Variants in LRIG1 observed in about 807,000 individuals in gnomAD.
LRIG1 encodes leucine rich repeats and immunoglobulin like domains 1, also known as leucine-rich repeats and immunoglobulin-like domains protein 1.
Under a neutral mutation model 99.2 loss-of-function variants are expected in LRIG1, and 48 were observed. The ratio of observed to expected loss-of-function variants is 0.48; its 90% CI spans 0.38 to 0.62. LRIG1 has a LOEUF of 0.62. LRIG1 is among the 20% of genes least tolerant of loss of function. The pLI is 0.00. For missense variants in LRIG1, 1,646 were observed against 1,434.4 expected (o/e 1.15, Z -2.38); for synonymous variants, 772 against 596.1 (o/e 1.29, Z -4.30).
intron 3 of LRIG1, among the ~76,000 whole-genome samples, chr3:66,435,325 G>A (rs560594129): frequency 9.2e-5 from 14 of 152,278 alleles, no homozygotes; most frequent in African/African-American, 3.4e-4. Flanking sequence ...TTGGGAGGCC[G>A]AGGCAGGCAG....
chr3:66,413,563 A>AC (rs1054180230), intron 5 of LRIG1, among the ~76,000 whole-genome samples: 9 of 152,144 alleles, frequency 5.9e-5, no homozygotes, highest in African/African-American at 1.9e-4. Context: ...GGGTAGAGAC[A>AC]CCCCACAAGT....
At chr3:66,485,482 C>T (rs1259993387) in intron 1 of LRIG1, among the ~76,000 whole-genome samples, 2 of 152,178 alleles carry the variant, frequency 1.3e-5, no homozygotes, top group East Asian at 3.9e-4. Flanking sequence ...AAGGCTGGAC[C>T]ATGACTCGCC....
chr3:66,402,509 C>T (rs537982443), intron 9 of LRIG1, among the ~76,000 whole-genome samples: 1 of 152,204 alleles, frequency 6.6e-6, no homozygotes, highest in Non-Finnish European at 1.5e-5. Flanking sequence ...CTACTCACAT[C>T]TCCCTTTCTT....
At chr3:66,391,822 C>A (rs1451540994) in intron 12 of LRIG1, among the ~76,000 whole-genome samples, 2 of 152,160 alleles carry the variant, frequency 1.3e-5, no homozygotes, top group Non-Finnish European at 2.9e-5. Context: ...ATCTACACTA[C>A]AACTCACTCA....
chr3:66,407,010 C>T (rs1702291581), intron 8 of LRIG1, among the ~76,000 whole-genome samples: 1 of 152,188 alleles, frequency 6.6e-6, no homozygotes, highest in African/African-American at 2.4e-5. Context: ...GAACTGGAGG[C>T]TGCACCAGGC....
At chr3:66,415,979 T>C (rs559005964) in intron 4 of LRIG1, among the ~76,000 whole-genome samples, 139 of 152,298 alleles carry the variant, frequency 9.1e-4, no homozygotes, top group African/African-American at 3.2e-3. Flanking sequence ...CTCCAGCAGA[T>C]AGTGGCCTAG....
intron 6 of LRIG1, among the ~76,000 whole-genome samples, chr3:66,410,574 G>C (rs1702433240): frequency 6.6e-6 from 1 of 152,218 alleles, no homozygotes; most frequent in Admixed American, 6.5e-5. Context: ...GGGTGTGGCG[G>C]CTTATGCCCA....
At chr3:66,394,799 C>A (rs1464128781) in intron 11 of LRIG1, among the ~76,000 whole-genome samples, 4 of 152,216 alleles carry the variant, frequency 2.6e-5, no homozygotes, top group Admixed American at 2.6e-4. Flanking sequence ...TAATAAGCCC[C>A]GTCACTGTGC....
At position 66,493,873 on chromosome 3, in the gene LRIG1, CGAAGGGAG is replaced by C. The variant is rs1279633269; in HGVS notation, c.218+6309_218+6316del. Among the ~76,000 whole-genome samples, 124 of 104,876 alleles carry C rather than the reference CGAAGGGAG, an allele frequency of 1.2e-3. 1 individual carries two copies. The highest frequency in any genetic ancestry group is 4.1e-3 in the African/African-American group (111 of 27,064). 68.8% of individuals were successfully genotyped at this position (104,876 alleles called of 152,430 possible). On this transcript the variant is annotated intron_variant, in intron 1 of 18. Coordinates refer to ENST00000273261, the MANE Select transcript of LRIG1 (RefSeq NM_015541.3). ...AGAAAGAGAAAGAAAGGAAGAAAGA[CGAAGGGAG>C]GGAGGGAGGGAAAGAAGGAAAAAAA...
chr3:66,435,773 C>T, intron 3 of LRIG1, among the ~76,000 whole-genome samples: 1 of 98,534 alleles, frequency 1.0e-5, no homozygotes, highest in East Asian at 4.0e-4. Flanking sequence ...AGGGATCTCC[C>T]CATATTACTT....
rs62243246 is a variant in LRIG1 at position 66,396,875 on chromosome 3, A to T, written c.1304+1237T>A. ...GTTTCATTCCACTTGCTTTACTGCG[A>T]GTCCACCTCTGAGTCCAGCCTTCCC... On this transcript the variant is annotated intron_variant, in intron 11 of 18. Transcript: ENST00000273261. Among the ~76,000 whole-genome samples, 1,269 of 152,346 alleles carry T rather than the reference A, an allele frequency of 8.3e-3. 29 individuals carry two copies. The highest frequency in any genetic ancestry group is 0.071 in the South Asian group (340 of 4,820).
intron 1 of LRIG1, among the ~76,000 whole-genome samples, chr3:66,498,720 A>T (rs527644920): frequency 1.7e-4 from 26 of 152,314 alleles, no homozygotes; most frequent in African/African-American, 6.3e-4. Context: ...TAACTCAGTA[A>T]ATTCCACAGA....
At chr3:66,498,840 C>T (rs1434554543) in intron 1 of LRIG1, among the ~76,000 whole-genome samples, 1 of 152,158 alleles carries the variant, frequency 6.6e-6, no homozygotes, top group Non-Finnish European at 1.5e-5. Context: ...AAGATTCGTG[C>T]CCCATTTTGA....
intron 3 of LRIG1, among the ~76,000 whole-genome samples, chr3:66,420,852 T>C (rs751740323): frequency 4.6e-5 from 7 of 152,172 alleles, no homozygotes; most frequent in Non-Finnish European, 7.3e-5. Flanking sequence ...GATAAAGACA[T>C]ACCTGAGACT....
At chr3:66,419,494 GGAGCAAGGGAGT>G (rs1702734664) in intron 3 of LRIG1, among the ~76,000 whole-genome samples, 1 of 152,326 alleles carries the variant, frequency 6.6e-6, no homozygotes, top group South Asian at 2.1e-4. Flanking sequence ...GTCTGTGAGA[GGAGCAAGGGAGT>G]GCACAAGGTG....
chr3:66,405,761 G>A, intron 8 of LRIG1: 1 of 1,162,680 alleles, frequency 8.6e-7, no homozygotes, highest in Non-Finnish European at 1.1e-6. Context: ...ACCAGCCAGT[G>A]GGTCTGGAGC....
intron 12 of LRIG1, among the ~76,000 whole-genome samples, chr3:66,389,636 A>C (rs1701537094): frequency 6.6e-6 from 1 of 152,200 alleles, no homozygotes; most frequent in Middle Eastern, 3.2e-3. Flanking sequence ...TAAAAATGAT[A>C]AATACATATA....
Position 66,408,913 on chromosome 3 carries a change from A to AGTGTGTGTGTGTGTGTGT in LRIG1, c.935+1198_935+1215dup, listed in dbSNP as rs55651719. ...GTCACCAAAATATAAACTCCAAGTC[A>AGTGTGTGTGTGTGTGTGT]GTGTGTGTGTGTGTGTGTGTGTGTG... is the stretch of plus-strand genomic sequence containing the variant. On this transcript the variant is annotated intron_variant, in intron 7 of 18. Transcript: ENST00000273261. 2.4e-3 allele frequency among the ~76,000 whole-genome samples: 83 copies of AGTGTGTGTGTGTGTGTGT among 34,912 alleles called. 7 individuals carry two copies. The East Asian group carries it at 0.029, about 12-fold the overall frequency. 22.9% of individuals were successfully genotyped at this position (34,912 alleles called of 152,430 possible). A position where few individuals can be genotyped will look rare whatever the true frequency, so the allele number is the denominator to read the frequency against.
chr3:66,476,341 C>T (rs1211001251), intron 1 of LRIG1, among the ~76,000 whole-genome samples: 1 of 152,162 alleles, frequency 6.6e-6, no homozygotes. Flanking sequence ...TTCTCTCCAA[C>T]TCCTTAATCC....
Sources: allele counts gnomAD v4.1 joint callset (sites outside exome capture counted in the v4.1 genomes callset), GRCh38; gene constraint gnomAD v4.1.1; transcripts MANE v1.5; gene names NCBI Gene and HGNC (gene_info 2026-07-23, HGNC 2026-07-21).